OTUD7B: variants seen among roughly 807,000 people sequenced by gnomAD.
The protein encoded by OTUD7B is OTU domain-containing protein 7B.
In OTUD7B, 34 loss-of-function variants were observed where a neutral mutation model predicts 82.2. The observed-to-expected ratio is 0.41, with a 90% CI of 0.31 to 0.55. OTUD7B has a LOEUF of 0.55. OTUD7B is among the 20% of genes least tolerant of loss of function. The probability of loss-of-function intolerance (pLI) is 0.20; values close to 1 mark genes in which losing one functional copy is unlikely to be tolerated. For synonymous variants in OTUD7B, 398 were observed against 402.7 expected, an observed-to-expected ratio of 0.99 and a Z score of 0.14; for missense variants, 944 against 1,062.1, an observed-to-expected ratio of 0.89 and a Z score of 1.55.
chr1:149,996,529 C>G (rs1299449359), intron 1 of OTUD7B, among the ~76,000 whole-genome samples: 2 of 152,180 alleles, frequency 1.3e-5, no homozygotes, highest in Non-Finnish European at 2.9e-5. Flanking sequence ...CTACCTGTTA[C>G]TTTCTTGATT....
chr1:149,977,135 A>T (rs1431334936), intron 2 of OTUD7B, among the ~76,000 whole-genome samples: 17 of 152,078 alleles, frequency 1.1e-4, no homozygotes, highest in Admixed American at 7.9e-4. Context: ...ATAAATAAAT[A>T]AAATAAAATA....
chr1:150,040,708 C>CT, the OTUD7B span, among the ~76,000 whole-genome samples: 147,379 of 148,052 alleles, frequency 1, 73,353 homozygotes, highest in South Asian at 1. Context: ...GAGACCTTTT[C>CT]TTTCCTTTTT....
rs1553770476 is a variant in OTUD7B at position 149,941,851 on chromosome 1, G to A, written c.*2006C>T. The A allele has an allele frequency of 1.3e-5, 2 of 152,070 alleles. No individual in the cohort carries two copies. Among genetic ancestry groups the A allele is most frequent in the Non-Finnish European group, 2.9e-5 (2 of 68,024 alleles). The allele number at this position is 152,070 out of a possible 1,614,324, so 9.4% of individuals were successfully genotyped here. ...CTTAAATTTTGCAACTTAGGGGAGT[G>A]CTCATCTCATACCAGGTTCCAGACC... On this transcript the variant is annotated 3_prime_UTR_variant, in exon 12 of 12. Coordinates refer to ENST00000581312, the MANE Select transcript of OTUD7B (RefSeq NM_020205.4).
chr1:150,032,706 AGG>A, the OTUD7B span, among the ~76,000 whole-genome samples: 1 of 151,912 alleles, frequency 6.6e-6, no homozygotes, highest in Non-Finnish European at 1.5e-5. Flanking sequence ...GAGGAGGAGG[AGG>A]AGGAGGAAGA....
chr1:149,989,260 G>A (rs1651394761), intron 1 of OTUD7B, among the ~76,000 whole-genome samples: 1 of 151,902 alleles, frequency 6.6e-6, no homozygotes, highest in African/African-American at 2.4e-5. Flanking sequence ...ATCACTTGAG[G>A]TCAGGAGTTC....
chr1:150,022,654 A>T, the OTUD7B span, among the ~76,000 whole-genome samples: 11 of 152,256 alleles, frequency 7.2e-5, no homozygotes, highest in Admixed American at 2.0e-4. Context: ...CAGGCCATCT[A>T]ATGACATCAC....
chr1:149,965,480 A>G (rs1198041569), intron 5 of OTUD7B, among the ~76,000 whole-genome samples: 1 of 152,258 alleles, frequency 6.6e-6, no homozygotes, highest in Admixed American at 6.5e-5. Context: ...ACACATACAC[A>G]CATCTAGCTA....
At position 150,010,674 on chromosome 1, in the gene OTUD7B, C is replaced by A. The variant is rs1272712778; in HGVS notation, c.-293G>T. The A allele has an allele frequency of 6.5e-6, 1 of 152,698 alleles. No individual in the cohort carries two copies. Among genetic ancestry groups the A allele is most frequent in the African/African-American group, 2.4e-5 (1 of 41,432 alleles). 9.5% of individuals were successfully genotyped at this position (152,698 alleles called of 1,614,324 possible). ...ACTGGCCTCCCCCAGTGGCTTTTTG[C>A]CCACTCCGCACCCGGTCGCCACTCC... On this transcript the variant is annotated 5_prime_UTR_variant, in exon 1 of 12. Transcript: ENST00000581312.
At chr1:149,997,578 A>C (rs1229327045) in intron 1 of OTUD7B, among the ~76,000 whole-genome samples, 6 of 152,212 alleles carry the variant, frequency 3.9e-5, no homozygotes, top group African/African-American at 1.4e-4. Context: ...ATTGGGAGTC[A>C]GAGAGACTAT....
chr1:150,055,856 G>T, the OTUD7B span, among the ~76,000 whole-genome samples: 1 of 152,072 alleles, frequency 6.6e-6, no homozygotes, highest in Admixed American at 6.6e-5. Flanking sequence ...ACACAAAGAA[G>T]GAAACAACAG....
In OTUD7B at chr1:149,943,963, A is replaced by T. The variant is rs377196376; in HGVS notation, c.2426T>A (p.Phe809Tyr). The T allele has an allele frequency of 6.8e-6, 11 of 1,614,070 alleles. No individual in the cohort carries two copies. In the African/African-American group the frequency reaches 1.5e-4, roughly 22 times the overall value. Reference sequence around the variant, plus strand: ...GTTGTTTGTCTCAGGGTGTCCATAGAAGCTGCAGTTCGGTTGTTTGCATTT... The same window carrying T: ...GTTGTTTGTCTCAGGGTGTCCATAGTAGCTGCAGTTCGGTTGTTTGCATTT... ...QTKCKQPNCSFYGHPETNNFC... is the reference protein window; with the variant it reads ...QTKCKQPNCSYYGHPETNNFC... Residue 809 changes from phenylalanine to tyrosine, a missense_variant, in exon 12 of 12, where the codon TTC (phenylalanine) becomes TAC (tyrosine). Physicochemically the swap from Phe to Tyr is conservative, Grantham distance 22 (BLOSUM62 3). Coordinates refer to ENST00000581312, the MANE Select transcript of OTUD7B (RefSeq NM_020205.4).
intron 2 of OTUD7B, among the ~76,000 whole-genome samples, chr1:149,974,213 G>A (rs1412825144): frequency 3.3e-5 from 5 of 152,158 alleles, no homozygotes; most frequent in African/African-American, 7.2e-5. Flanking sequence ...TTACAGGCAT[G>A]TGCCACCACG....
chr1:149,999,963 T>G (rs905499561), intron 1 of OTUD7B, among the ~76,000 whole-genome samples: 2 of 152,248 alleles, frequency 1.3e-5, no homozygotes, highest in Non-Finnish European at 2.9e-5. Flanking sequence ...CAAAGCTGCA[T>G]TCTATCTATA....
At chr1:150,007,461 G>A (rs16833063) in intron 1 of OTUD7B, among the ~76,000 whole-genome samples, 7,960 of 152,112 alleles carry the variant, frequency 0.052, 727 homozygotes, top group African/African-American at 0.18. Context: ...ATACTTATCA[G>A]CACGTTAAAT....
chr1:149,973,638 A>G (rs1201645291), intron 2 of OTUD7B, among the ~76,000 whole-genome samples: 6 of 151,098 alleles, frequency 4.0e-5, no homozygotes, highest in African/African-American at 1.5e-4. Context: ...GGCGCGTGCC[A>G]CCATTCCTGG....
chr1:149,973,618 T>A (rs991075244), intron 2 of OTUD7B, among the ~76,000 whole-genome samples: 7 of 151,036 alleles, frequency 4.6e-5, no homozygotes, highest in African/African-American at 1.7e-4. Context: ...CTCGAGTAAC[T>A]GGGATAACAG....
chr1:150,014,446 C>T (rs1331553873), upstream of OTUD7B, among the ~76,000 whole-genome samples: 2 of 145,426 alleles, frequency 1.4e-5, no homozygotes, highest in Non-Finnish European at 3.0e-5. Flanking sequence ...ATGTTAAACA[C>T]ATTCCTACCC....
chr1:149,947,112 C>T, intron 11 of OTUD7B, 139 bp downstream of exon 11: 2 of 505,406 alleles, frequency 4.0e-6, no homozygotes, highest in Non-Finnish European at 7.4e-6. Context: ...ACTTATCTGA[C>T]ATCTTCTAGT....
intron 4 of OTUD7B, among the ~76,000 whole-genome samples, chr1:149,966,559 T>C (rs944947878): frequency 7.2e-5 from 11 of 152,302 alleles, no homozygotes; most frequent in Admixed American, 2.0e-4. Flanking sequence ...CTTAATTCCA[T>C]GCAGTCATCC....
Sources: gnomAD v4.1 joint callset for allele counts (sites outside exome capture counted in the v4.1 genomes callset) on GRCh38, gnomAD v4.1.1 for gene constraint, MANE v1.5 for transcripts, NCBI Gene and HGNC (gene_info 2026-07-23, HGNC 2026-07-21) for gene names.